VEZT: variants seen among roughly 807,000 people sequenced by gnomAD.
VEZT encodes the protein vezatin.
Under a neutral mutation model 79.9 loss-of-function variants are expected in VEZT, and 39 were observed. That is an observed-to-expected ratio of 0.49 (90% confidence interval 0.38 to 0.64). The LOEUF is 0.64. Ranked by LOEUF, VEZT falls within the 30% of genes least tolerant of loss-of-function variation. The pLI is 0.00. For missense variants in VEZT, 837 were observed against 893.1 expected, an observed-to-expected ratio of 0.94 and a Z score of 0.80; for synonymous variants, 325 against 327.6, an observed-to-expected ratio of 0.99 and a Z score of 0.09.
chr12:95,263,257 G>GA (rs1339326303), intron 4 of VEZT, among the ~76,000 whole-genome samples, 176 bp downstream of exon 4: 17 of 152,252 alleles, frequency 1.1e-4, no homozygotes, highest in Middle Eastern at 3.4e-3. Flanking sequence ...TATTTAAAGT[G>GA]AAGCTAGGGA....
intron 3 of VEZT, among the ~76,000 whole-genome samples, chr12:95,259,641 C>T (rs2064043582): frequency 6.6e-6 from 1 of 152,198 alleles, no homozygotes; most frequent in Non-Finnish European, 1.5e-5. Flanking sequence ...ACATAGTACA[C>T]ATCCCAGGAG....
At chr12:95,253,939 A>C (rs1006523857) in intron 2 of VEZT, among the ~76,000 whole-genome samples, 1 of 152,074 alleles carries the variant, frequency 6.6e-6, no homozygotes, top group African/African-American at 2.4e-5. Flanking sequence ...ATCTCAAAAA[A>C]ATTATCATAT....
chr12:95,273,540 A>G (rs1231231398), intron 6 of VEZT, among the ~76,000 whole-genome samples: 1 of 152,182 alleles, frequency 6.6e-6, no homozygotes, highest in Non-Finnish European at 1.5e-5. Context: ...TACCTCATGA[A>G]TTTTGAATCC....
chr12:95,282,366 C>T lies in VEZT; in HGVS notation c.1050C>T (p.Ala350=), dbSNP rs866579315. 10 of 1,613,674 alleles carry T rather than the reference C, an allele frequency of 6.2e-6. No homozygotes were observed. The highest frequency in any genetic ancestry group is 3.3e-4 in the Middle Eastern group (2 of 6,084). ...AQSSEFFRRL[A]LLLSTANSPP... ...GTTCAGAGTTCTTCAGACGGTTAGC[C>T]CTATTACTTTCTACAGCCAATTCAC... The change falls in exon 8 of 12, where the codon GCC becomes GCT. Residue 350 remains alanine (A), a synonymous_variant. Coordinates refer to ENST00000436874, the MANE Select transcript of VEZT (RefSeq NM_017599.4).
chr12:95,252,055 C>A lies in VEZT; in HGVS notation c.152C>A (p.Thr51Lys). ...CTTEGQQKPPTRVLPKQGILL... is the reference protein window; with the variant it reads ...CTTEGQQKPPKRVLPKQGILL... ...ACAGAGGGACAACAAAAGCCTCCTA[C>A]AAGAGTCCTACCAAAAGTAAGAACG... Residue 51 changes from threonine (T) to lysine (K), a missense_variant, in exon 2 of 12, where the codon ACA (threonine) becomes AAA (lysine). Coordinates refer to ENST00000436874, the MANE Select transcript of VEZT (RefSeq NM_017599.4). The A allele has an allele frequency of 4.4e-6, 7 of 1,606,954 alleles. No individual in the cohort carries two copies. The highest frequency in any genetic ancestry group is 2.5e-6 in the Non-Finnish European group (3 of 1,177,778).
intron 1 of VEZT, chr12:95,231,679 ATAT>A (rs1328672389): frequency 1.3e-5 from 2 of 152,142 alleles, no homozygotes; most frequent in African/African-American, 4.8e-5. Flanking sequence ...ATTAATTTAG[ATAT>A]TATGTTGAAA....
chr12:95,261,559 G>C (rs1425725669), intron 3 of VEZT, among the ~76,000 whole-genome samples: 1 of 152,034 alleles, frequency 6.6e-6, no homozygotes, highest in Non-Finnish European at 1.5e-5. Context: ...TTACAGGCAT[G>C]TGCCACCATG....
intron 2 of VEZT, among the ~76,000 whole-genome samples, chr12:95,256,240 G>A (rs539267894): frequency 6.6e-6 from 1 of 151,972 alleles, no homozygotes; most frequent in Non-Finnish European, 1.5e-5. Flanking sequence ...TCGTAGAGAC[G>A]GGGTTTCTCC....
chr12:95,240,221 CCATT>C (rs2060837302), intron 1 of VEZT, among the ~76,000 whole-genome samples: 2 of 152,046 alleles, frequency 1.3e-5, no homozygotes, highest in Non-Finnish European at 2.9e-5. Flanking sequence ...CCAAAAGAAA[CCATT>C]CAGTAAAGTG....
chr12:95,225,735 T>C (rs2136610600), intron 1 of VEZT, among the ~76,000 whole-genome samples: 1 of 122,234 alleles, frequency 8.2e-6, no homozygotes, highest in African/African-American at 3.2e-5. Flanking sequence ...ATAGAAACAT[T>C]TTGCCTCCAC....
intron 1 of VEZT, among the ~76,000 whole-genome samples, chr12:95,237,267 C>T (rs2060319872): frequency 6.6e-6 from 1 of 152,002 alleles, no homozygotes; most frequent in East Asian, 1.9e-4. Flanking sequence ...TAAAATGAGC[C>T]ATGCCTCATA....
At chr12:95,290,837 CAT>C (rs932099600) in intron 9 of VEZT, 2 of 151,830 alleles carry the variant, frequency 1.3e-5, no homozygotes, top group African/African-American at 4.8e-5. Context: ...TACACATATA[CAT>C]ATATATACAC....
intron 1 of VEZT, among the ~76,000 whole-genome samples, chr12:95,238,868 A>G (rs560163245): frequency 1.3e-5 from 2 of 152,250 alleles, no homozygotes; most frequent in Admixed American, 6.5e-5. Flanking sequence ...TTATCCAACA[A>G]TAAGAGACTG....
At chr12:95,256,873 A>G (rs996036506) in intron 2 of VEZT, among the ~76,000 whole-genome samples, 4 of 152,100 alleles carry the variant, frequency 2.6e-5, no homozygotes, top group African/African-American at 9.7e-5. Context: ...TAAAAATCGG[A>G]TTTTCAGGCC....
In VEZT at chr12:95,296,207, G is replaced by A; in HGVS notation, c.1780G>A (p.Ala594Thr). The change falls in exon 11 of 12, where the codon GCT (alanine) becomes ACT (threonine). Residue 594 changes from alanine to threonine, a missense_variant. Physicochemically the swap from Ala to Thr is moderately conservative, Grantham distance 58. Transcript: ENST00000436874. ...ATTAAAATCTGTGCTGGGATTTAAA[G>A]CTTCAGAGGCAGAAAGGCAGAAGTG... Reference protein sequence around the residue: ...QELKSVLGFKASEAERQKWKQ... With the variant: ...QELKSVLGFKTSEAERQKWKQ... 6.3e-7 allele frequency: 1 copy of A among 1,588,266 alleles called. No homozygotes were observed. Among genetic ancestry groups the A allele is most frequent in the East Asian group, 2.3e-5 (1 of 44,144 alleles).
chr12:95,232,987 G>T (rs909155697), intron 1 of VEZT, among the ~76,000 whole-genome samples: 4 of 152,002 alleles, frequency 2.6e-5, no homozygotes, highest in African/African-American at 9.7e-5. Context: ...TGTATTTTTT[G>T]TGGAGACAGG....
Position 95,301,423 on chromosome 12 carries a change from C to T in VEZT, c.*750C>T, listed in dbSNP as rs531628987. ...ACCCCCAATTTAGCAAGCAGAAAAA[C>T]GTTCCTTGTATCACTTTACCTTGGA... On this transcript the variant is annotated 3_prime_UTR_variant, in exon 12 of 12. Transcript: ENST00000436874. 5.9e-5 allele frequency: 9 copies of T among 152,218 alleles called. No homozygotes were observed. Among genetic ancestry groups the T allele is most frequent in the South Asian group, 2.1e-4 (1 of 4,822 alleles). The allele number at this position is 152,218 out of a possible 1,614,324, so 9.4% of individuals were successfully genotyped here.
chr12:95,248,388 C>T (rs2061999710), intron 1 of VEZT, among the ~76,000 whole-genome samples: 1 of 152,152 alleles, frequency 6.6e-6, no homozygotes, highest in African/African-American at 2.4e-5. Flanking sequence ...GTGATCCGAA[C>T]TGAATGTGTA....
intron 10 of VEZT, 74 bp downstream of exon 10, chr12:95,294,446 A>T (rs1230928790): frequency 1.1e-5 from 13 of 1,207,720 alleles, no homozygotes; most frequent in Middle Eastern, 1.9e-4. Context: ...ACAACATAAT[A>T]TATTGAATTT....
Sources: gnomAD v4.1 joint callset for allele counts (sites outside exome capture counted in the v4.1 genomes callset) on GRCh38, gnomAD v4.1.1 for gene constraint, MANE v1.5 for transcripts, NCBI Gene and HGNC (gene_info 2026-07-23, HGNC 2026-07-21) for gene names.